Variants in BDH2 observed in about 807,000 individuals in gnomAD.
BDH2 encodes the protein 3-hydroxybutyrate dehydrogenase 2.
A neutral mutation model predicts 33.2 loss-of-function variants in BDH2; 24 were observed. The ratio of observed to expected loss-of-function variants is 0.72; its 90% CI spans 0.52 to 1.02. BDH2 has a LOEUF of 1.02. BDH2 is among the 50% of genes least tolerant of loss of function. The pLI, the probability that BDH2 is intolerant of heterozygous loss-of-function variation, is 0.00. For synonymous variants in BDH2, 81 were observed against 101.6 expected (o/e 0.80, Z 1.22); for missense variants, 249 against 301.6 (o/e 0.83, Z 1.29).
At chr4:103,095,163 C>G (rs558801739) in intron 3 of BDH2, 40 bp downstream of exon 3, 1 of 1,526,430 alleles carries the variant, frequency 6.6e-7, no homozygotes, top group Non-Finnish European at 9.1e-7. Flanking sequence ...TAATACCTTG[C>G]AGACACTGAA....
At chr4:103,081,285 G>A (rs915283522) in intron 9 of BDH2, among the ~76,000 whole-genome samples, 1 of 152,162 alleles carries the variant, frequency 6.6e-6, no homozygotes, top group African/African-American at 2.4e-5. Flanking sequence ...TGATGAACAA[G>A]TAAGAATTTT....
chr4:103,089,903 C>T (rs564204171), intron 5 of BDH2, among the ~76,000 whole-genome samples: 24 of 152,178 alleles, frequency 1.6e-4, no homozygotes, highest in African/African-American at 5.1e-4. Context: ...CCCAAAAATC[C>T]CTTCTAAGCA....
chr4:103,083,927 T>C (rs1173065140), intron 7 of BDH2, among the ~76,000 whole-genome samples: 1 of 152,200 alleles, frequency 6.6e-6, no homozygotes, highest in East Asian at 1.9e-4. Context: ...CTTGTCACAT[T>C]TTACTATAAG....
In BDH2 at chr4:103,082,775, A is replaced by G. The variant is rs932965121; in HGVS notation, c.591+96T>C. The G allele has an allele frequency of 1.3e-5, 14 of 1,108,184 alleles. No homozygotes were observed. The Admixed American group carries it at 1.4e-4, about 11-fold the overall frequency. 68.6% of individuals were successfully genotyped at this position (1,108,184 alleles called of 1,614,324 possible). ...TCCTTCCAAGCCCCTGGCAACTACC[A>G]TTTCACTTTCTGTCTCTATGAATTT... On this transcript the variant is annotated intron_variant, in intron 8 of 9. Transcript: ENST00000296424.
chr4:103,089,677 T>C (rs1747978394), intron 5 of BDH2, among the ~76,000 whole-genome samples: 1 of 152,234 alleles, frequency 6.6e-6, no homozygotes, highest in Non-Finnish European at 1.5e-5. Flanking sequence ...GTCTCATGCA[T>C]GTGCAACAGT....
intron 5 of BDH2, among the ~76,000 whole-genome samples, chr4:103,086,810 T>G (rs1206051436): frequency 6.6e-6 from 1 of 152,232 alleles, no homozygotes; most frequent in African/African-American, 2.4e-5. Context: ...TCAGCAAGAC[T>G]ACGAGTGAAT....
At chr4:103,086,749 A>C (rs547308909) in intron 5 of BDH2, among the ~76,000 whole-genome samples, 1 of 152,318 alleles carries the variant, frequency 6.6e-6, no homozygotes, top group Admixed American at 6.5e-5. Context: ...ATGTGACTGC[A>C]CTCACTGGCA....
intron 1 of BDH2, among the ~76,000 whole-genome samples, chr4:103,098,162 G>C (rs1361264994): frequency 6.6e-6 from 1 of 152,188 alleles, no homozygotes; most frequent in Admixed American, 6.5e-5. Context: ...GAGGCTGCTA[G>C]GGTTATCTAG....
chr4:103,098,362 G>C (rs773846088), intron 1 of BDH2, among the ~76,000 whole-genome samples: 1 of 152,212 alleles, frequency 6.6e-6, no homozygotes, highest in African/African-American at 2.4e-5. Flanking sequence ...GCAGGTCCAA[G>C]GGAAGATCTC....
At chr4:103,091,624 A>G (rs913082037) in intron 4 of BDH2, 1 of 437,484 alleles carries the variant, frequency 2.3e-6, no homozygotes, top group African/African-American at 2.0e-5. Flanking sequence ...ACACACCTGC[A>G]GCCTCAGCTA....
intron 8 of BDH2, 70 bp downstream of exon 8, chr4:103,082,801 G>C: frequency 1.5e-6 from 2 of 1,328,018 alleles, no homozygotes; most frequent in Non-Finnish European, 2.2e-6. Context: ...CTATGAATTT[G>C]TCTGCTATAG....
rs1448119042 is a variant in BDH2, at chr4:103,095,405, C to G, written c.73-124G>C. The stretch of plus-strand genomic sequence containing the variant: ...CATTGTTCTTTTCCCTATAAGATAG[C>G]TAGAATTTTAAACTATCTAGTCTTA... On this transcript the variant is annotated intron_variant, in intron 2 of 9. Transcript: ENST00000296424. 4 of 686,072 alleles carry G rather than the reference C, an allele frequency of 5.8e-6. No homozygotes were observed. In the Admixed American group the frequency reaches 8.6e-5, roughly 15 times the overall value. 42.5% of individuals were successfully genotyped at this position (686,072 alleles called of 1,614,324 possible). A position where few individuals can be genotyped will look rare whatever the true frequency, so the allele number is the denominator to read the frequency against.
intron 1 of BDH2, among the ~76,000 whole-genome samples, chr4:103,096,555 T>TA (rs1328405717): frequency 1.4e-5 from 2 of 140,666 alleles, no homozygotes; most frequent in African/African-American, 5.3e-5. Flanking sequence ...TTTTTTTTTT[T>TA]ATGAGATGGA....
chr4:103,086,194 A>G (rs1443781992), intron 6 of BDH2: 2 of 1,192,878 alleles, frequency 1.7e-6, no homozygotes, highest in African/African-American at 1.6e-5. Context: ...AAATTAATTA[A>G]ATGTTAAATG....
At chr4:103,083,315 C>T (rs1479897009) in intron 7 of BDH2, among the ~76,000 whole-genome samples, 1 of 152,132 alleles carries the variant, frequency 6.6e-6, no homozygotes, top group Non-Finnish European at 1.5e-5. Flanking sequence ...AAGCACTTTG[C>T]CAGCTTAAGG....
At chr4:103,099,337 C>G (rs1001478167) in intron 1 of BDH2, 2 of 152,128 alleles carry the variant, frequency 1.3e-5, no homozygotes, top group Non-Finnish European at 2.9e-5. Context: ...AAAGCCTTAA[C>G]ATTTGATAAA....
intron 4 of BDH2, 171 bp downstream of exon 4, chr4:103,092,429 T>G (rs1418156799): frequency 3.3e-6 from 2 of 608,948 alleles, no homozygotes; most frequent in Non-Finnish European, 5.8e-6. Context: ...AAGGCTGTCT[T>G]ACCTGCTGAA....
chr4:103,084,746 G>C (rs1747692431), intron 7 of BDH2, among the ~76,000 whole-genome samples: 1 of 152,160 alleles, frequency 6.6e-6, no homozygotes, highest in South Asian at 2.1e-4. Flanking sequence ...GGGATGTTTA[G>C]TTTCCCCTCT....
At chr4:103,095,832 T>C (rs1440373509) in intron 2 of BDH2, among the ~76,000 whole-genome samples, 1 of 152,224 alleles carries the variant, frequency 6.6e-6, no homozygotes, top group African/African-American at 2.4e-5. Flanking sequence ...CTTATAACTC[T>C]GGAGTCATAT....
Sources: allele counts gnomAD v4.1 joint callset (sites outside exome capture counted in the v4.1 genomes callset), GRCh38; gene constraint gnomAD v4.1.1; transcripts MANE v1.5; gene names NCBI Gene and HGNC (gene_info 2026-07-23, HGNC 2026-07-21).